The following IRF9 variants were observed in gnomAD, a reference collection of about 807,000 sequenced individuals.
The protein encoded by IRF9 is interferon regulatory factor 9.
A neutral mutation model predicts 44.1 loss-of-function variants in IRF9; 13 were observed. The ratio of observed to expected loss-of-function variants is 0.29; its 90% confidence interval spans 0.19 to 0.47. The LOEUF (loss-of-function observed/expected upper bound fraction) is 0.47, where lower values mean the gene tolerates loss of function less well. IRF9 is among the 20% of genes least tolerant of loss of function. IRF9 has a pLI of 1.00. For synonymous variants in IRF9, 189 were observed against 188.5 expected (o/e 1.00, Z -0.02); for missense variants, 373 against 496.1 (o/e 0.75, Z 2.36).
chr14:24,164,598 G>C lies in IRF9; in HGVS notation c.650-16G>C. 6.4e-7 allele frequency: 1 copy of C among 1,569,516 alleles called. No individual in the cohort carries two copies. The highest frequency in any genetic ancestry group is 8.7e-7 in the Non-Finnish European group (1 of 1,151,448). On this transcript the variant is annotated splice_polypyrimidine_tract_variant and intron_variant, in intron 6 of 8. Transcript: ENST00000396864. This position sits in a 1 kb window ranked among gnomAD's most constrained non-coding sequence, Gnocchi z 5.2. Reference sequence around the variant, plus strand: ...GCATGCTCCTCCAGCACCAGGTAGGGCTGTTCTATCCCCAGACTACTCACT... The same window carrying C: ...GCATGCTCCTCCAGCACCAGGTAGGCCTGTTCTATCCCCAGACTACTCACT...
chr14:24,165,471 G>A (rs899585166), intron 7 of IRF9: 1 of 548,144 alleles, frequency 1.8e-6, no homozygotes, highest in Non-Finnish European at 3.3e-6. Flanking sequence ...GTGTACAGGG[G>A]GTGCAGAGTG....
At position 24,164,074 on chromosome 14, in the gene IRF9, A is replaced by C; in HGVS notation, c.589A>C (p.Thr197Pro). The C allele has an allele frequency of 1.2e-6, 2 of 1,613,992 alleles. No homozygotes were observed. Among genetic ancestry groups the C allele is most frequent in the Non-Finnish European group, 1.7e-6 (2 of 1,179,956 alleles). ...TGCTTCCCTTCCAGTTACAGACACA[A>C]CTGAGGCCCCCTTTCAAGGGGATCA... Reference protein sequence around the residue: ...SPEPQEVTDTTEAPFQGDQRS... With the variant: ...SPEPQEVTDTPEAPFQGDQRS... The change falls in exon 6 of 9, where the codon ACT (threonine) becomes CCT (proline). Residue 197 changes from threonine to proline, a missense_variant. Physicochemically the swap from Thr to Pro is conservative, Grantham distance 38 (BLOSUM62 -1). Transcript: ENST00000396864. The surrounding 1 kb of genome is among the most constrained non-coding windows in gnomAD (Gnocchi z 5.2).
In IRF9 at chr14:24,163,335, G is replaced by A. The variant is rs745923552; in HGVS notation, c.365-43G>A. 108 of 1,600,776 alleles carry A rather than the reference G, an allele frequency of 6.7e-5. 1 individual carries two copies. Among genetic ancestry groups the A allele is most frequent in the South Asian group, 3.9e-4 (35 of 88,834 alleles). ...GACCTCTCCTTCACCCTCTGTCCTT[G>A]CTCAAGACCCTGACCTTTCTCTGTC... On this transcript the variant is annotated intron_variant, in intron 3 of 8. Coordinates refer to ENST00000396864, the MANE Select transcript of IRF9 (RefSeq NM_006084.5).
rs200450162 is a variant in IRF9 at position 24,163,198 on chromosome 14, G to A, written c.364+49G>A. ...CTGCTAGACTCAGCAGACTGGGGAGGAAGGATAGATGTGCAGGCTTCCCCC... is the reference window on the plus strand; with the variant it reads ...CTGCTAGACTCAGCAGACTGGGGAGAAAGGATAGATGTGCAGGCTTCCCCC... On this transcript the variant is annotated intron_variant, in intron 3 of 8. Transcript: ENST00000396864. 1.3e-3 allele frequency: 2,015 copies of A among 1,599,976 alleles called. 2 individuals carry two copies. The highest frequency in any genetic ancestry group is 1.5e-3 in the Non-Finnish European group (1,785 of 1,171,948).
At position 24,166,206 on chromosome 14, in the gene IRF9, G is replaced by A. The variant is rs776997132; in HGVS notation, c.*10G>A. ...TCTGTCCCTGGTGTAGAGCCTGGGG[G>A]ACCCATCTTCCACCTCACCTCTTTG... On this transcript the variant is annotated 3_prime_UTR_variant, in exon 9 of 9. Coordinates refer to ENST00000396864, the MANE Select transcript of IRF9 (RefSeq NM_006084.5). 2.8e-5 allele frequency: 45 copies of A among 1,612,544 alleles called. No individual in the cohort carries two copies. In the Admixed American group the frequency reaches 3.2e-4, roughly 11 times the overall value.
Position 24,166,403 on chromosome 14 carries a change from T to A in IRF9, c.*207T>A. On this transcript the variant is annotated 3_prime_UTR_variant, in exon 9 of 9. Coordinates refer to ENST00000396864, the MANE Select transcript of IRF9 (RefSeq NM_006084.5). ...TCCTTTTTTTTTTTTAATTTTGAGA[T>A]ATACGCCCTCTTTCATCTGTAAGGG... 1 of 597,662 alleles carries A rather than the reference T, an allele frequency of 1.7e-6. No individual in the cohort carries two copies. The highest frequency in any genetic ancestry group is 3.0e-6 in the Non-Finnish European group (1 of 338,172). 37.0% of individuals were successfully genotyped at this position (597,662 alleles called of 1,614,324 possible).
chr14:24,165,585 G>A, intron 7 of IRF9: 2 of 546,570 alleles, frequency 3.7e-6, no homozygotes, highest in Non-Finnish European at 6.6e-6. Context: ...TACCTGGGAG[G>A]ACTCTAAACT....
At chr14:24,165,096 G>A in intron 7 of IRF9, 141 bp downstream of exon 7, 2 of 809,842 alleles carry the variant, frequency 2.5e-6, no homozygotes, top group East Asian at 2.6e-5. Flanking sequence ...CTGCGCTTGT[G>A]TGTTGCATAT....
chr14:24,163,504 A>G lies in IRF9; in HGVS notation c.491A>G (p.Asn164Ser), dbSNP rs759181149. 3.7e-6 allele frequency: 6 copies of G among 1,613,846 alleles called. No individual in the cohort carries two copies. The African/African-American group carries it at 8.0e-5, about 22-fold the overall frequency. ...LSPSVLQDSLNNEEEGASGGA... is the reference protein window; with the variant it reads ...LSPSVLQDSLSNEEEGASGGA... ...CCCTCTGTGCTCCAGGACTCCCTCA[A>G]TAATGTAAGAGATGGAGAGGGAACT... The change falls in exon 4 of 9, where the codon AAT becomes AGT. Residue 164 changes from asparagine (N) to serine (S), a missense_variant. Transcript: ENST00000396864.
rs1359210024 is a variant in IRF9 at position 24,164,222 on chromosome 14, G to A, written c.649+88G>A. ...TGCATGCATTATCTAGTCAGTCAGG[G>A]CTTACAGCAAACTGTACCCACATTA... On this transcript the variant is annotated intron_variant, in intron 6 of 8. Transcript: ENST00000396864. This position sits in a 1 kb window ranked among gnomAD's most constrained non-coding sequence, Gnocchi z 5.2. 2 of 1,140,508 alleles carry A rather than the reference G, an allele frequency of 1.8e-6. No homozygotes were observed. Among genetic ancestry groups the A allele is most frequent in the East Asian group, 2.4e-5 (1 of 42,524 alleles). 70.6% of individuals were successfully genotyped at this position (1,140,508 alleles called of 1,614,324 possible).
intron 3 of IRF9, 55 bp downstream of exon 3, chr14:24,163,204 T>C: frequency 6.3e-7 from 1 of 1,593,488 alleles, no homozygotes. Flanking sequence ...GGAGGAAGGA[T>C]AGATGTGCAG....
Position 24,165,863 on chromosome 14 carries a change from T to A in IRF9, c.1008T>A (p.Phe336Leu), listed in dbSNP as rs137918879. 1.2e-6 allele frequency: 2 copies of A among 1,613,880 alleles called. No individual in the cohort carries two copies. The highest frequency in any genetic ancestry group is 2.7e-5 in the African/African-American group (2 of 74,930). ...CTCTTTCAGACTTGGTCAGGTACTTTCAGGGCCTGGGCCCCCCACCGAAGT... is the reference window on the plus strand; with the variant it reads ...CTCTTTCAGACTTGGTCAGGTACTTACAGGGCCTGGGCCCCCCACCGAAGT... ...AYFCRDLVRYFQGLGPPPKFQ... is the reference protein window; with the variant it reads ...AYFCRDLVRYLQGLGPPPKFQ... The change falls in exon 8 of 9, where the codon TTT becomes TTA. Residue 336 changes from phenylalanine (F) to leucine (L), a missense_variant. Phe to Leu is a conservative substitution (Grantham distance 22). Transcript: ENST00000396864.
chr14:24,162,170 C>A lies in IRF9; in HGVS notation c.26C>A (p.Thr9Asn), dbSNP rs888832533. The change falls in exon 2 of 9, where the codon ACC becomes AAC. Residue 9 changes from threonine (T) to asparagine (N), a missense_variant. Coordinates refer to ENST00000396864, the MANE Select transcript of IRF9 (RefSeq NM_006084.5). MASGRARCTRKLRNWVVEQ... is the reference protein window; with the variant it reads MASGRARCNRKLRNWVVEQ... ...ATGGCATCAGGCAGGGCACGCTGCA[C>A]CCGAAAACTCCGGAACTGGGTGGTG... The A allele has an allele frequency of 1.2e-6, 2 of 1,614,094 alleles. No homozygotes were observed. The highest frequency in any genetic ancestry group is 2.7e-5 in the African/African-American group (2 of 75,030).
intron 7 of IRF9, chr14:24,165,298 T>C (rs1358606468): frequency 1.5e-6 from 1 of 670,582 alleles, no homozygotes; most frequent in Non-Finnish European, 2.7e-6. Context: ...CCTCATGGCC[T>C]TCTCCTACGT....
At chr14:24,161,591 T>C (rs975859446) in intron 1 of IRF9, among the ~76,000 whole-genome samples, 1 of 152,202 alleles carries the variant, frequency 6.6e-6, no homozygotes, top group African/African-American at 2.4e-5. Flanking sequence ...CCAGCCTCAG[T>C]GGACCATTTG....
chr14:24,165,562 C>G lies in IRF9; in HGVS notation c.992-285C>G, dbSNP rs867751592. The G allele has an allele frequency of 7.5e-6, 4 of 533,280 alleles. No homozygotes were observed. In the Middle Eastern group the frequency reaches 1.5e-3, roughly 201 times the overall value. 33.0% of individuals were successfully genotyped at this position (533,280 alleles called of 1,614,324 possible). ...AAAGGTCTGGGCACATCTGAGTTAG[C>G]AGCCAGGGCTGCTACCTGGGAGGAC... On this transcript the variant is annotated intron_variant, in intron 7 of 8. Coordinates refer to ENST00000396864, the MANE Select transcript of IRF9 (RefSeq NM_006084.5).
chr14:24,162,094 T>A (rs940266878), intron 1 of IRF9, 50 bp from the exon 2 acceptor site: 1 of 1,562,534 alleles, frequency 6.4e-7, no homozygotes, highest in Admixed American at 1.8e-5. Flanking sequence ...CAGGAGATGT[T>A]CCCTCCCAAA....
chr14:24,163,866 C>A lies in IRF9; in HGVS notation c.496-12C>A. 6.3e-7 allele frequency: 1 copy of A among 1,585,546 alleles called. No individual in the cohort carries two copies. The highest frequency in any genetic ancestry group is 8.5e-7 in the Non-Finnish European group (1 of 1,173,100). On this transcript the variant is annotated splice_polypyrimidine_tract_variant and intron_variant, in intron 4 of 8. Coordinates refer to ENST00000396864, the MANE Select transcript of IRF9 (RefSeq NM_006084.5). ...AAAAGAGAAAAAAAATAAAAAGACA[C>A]TGTGTCCGCAGGAGGAGGAGGGGGC...
At position 24,164,353 on chromosome 14, in the gene IRF9, A is replaced by G. The variant is rs552575071; in HGVS notation, c.649+219A>G. ...TACCACCCTATACACTCTCCTGGAA[A>G]TCTACATTGAGACATTGATTTCATT... On this transcript the variant is annotated intron_variant, in intron 6 of 8. Transcript: ENST00000396864. This position sits in a 1 kb window ranked among gnomAD's most constrained non-coding sequence, Gnocchi z 5.2. 1.1e-4 allele frequency: 66 copies of G among 606,198 alleles called. No homozygotes were observed. Among genetic ancestry groups the G allele is most frequent in the Middle Eastern group, 4.4e-4 (1 of 2,288 alleles). 37.6% of individuals were successfully genotyped at this position (606,198 alleles called of 1,614,324 possible).
Sources: allele counts gnomAD v4.1 joint callset (sites outside exome capture counted in the v4.1 genomes callset), GRCh38; gene constraint gnomAD v4.1.1; non-coding constraint Gnocchi (gnomAD v3.1); transcripts MANE v1.5; gene names NCBI Gene and HGNC (gene_info 2026-07-23, HGNC 2026-07-21).